TANC2: variants seen among roughly 807,000 people sequenced by gnomAD.
The protein encoded by TANC2 is protein TANC2.
A neutral mutation model predicts 210.5 loss-of-function variants in TANC2; 26 were observed. The ratio of observed to expected loss-of-function variants is 0.12; its 90% CI spans 0.09 to 0.17. TANC2 has a LOEUF of 0.17. Among genes scored for constraint, TANC2 ranks in the 10% least tolerant of loss-of-function variants. TANC2 has a pLI of 1.00. For missense variants in TANC2, 2,129 were observed against 2,608.9 expected (o/e 0.82, Z 4.01); for synonymous variants, 931 against 967.1 (o/e 0.96, Z 0.69).
rs561587949 is a variant in TANC2, at chr17:63,241,191, G to A, written c.1033+3114G>A. 2.0e-5 allele frequency among the ~76,000 whole-genome samples: 3 copies of A among 152,326 alleles called. No individual in the cohort carries two copies. In the South Asian group the frequency reaches 6.2e-4, roughly 32 times the overall value. ...TTTACAGAAAGTAAGCTCTATATGA[G>A]ATGGTAGTATGAGCCAGTTACAAAA... On this transcript the variant is annotated intron_variant, in intron 8 of 27. Coordinates refer to ENST00000689528, the Ensembl canonical transcript of TANC2.
intron 4 of TANC2, 36 bp from the exon 5 acceptor site, chr17:63,151,234 G>A (rs1337526889): frequency 2.2e-6 from 2 of 910,568 alleles, no homozygotes; most frequent in Admixed American, 1.3e-4. Flanking sequence ...TGCTCTCTCT[G>A]TCTCTTGCTT....
At chr17:63,426,695 C>T (rs1355234719) in exon 28 of TANC2, 2 of 152,250 alleles carry the variant, frequency 1.3e-5, no homozygotes, top group Admixed American at 1.3e-4. Context: ...GACTCTGATA[C>T]CGACGCTGAG....
chr17:63,420,140 G>A lies in TANC2; in HGVS notation c.4410G>A (p.Gln1470=). 6.4e-7 allele frequency: 1 copy of A among 1,557,430 alleles called. No homozygotes were observed. The highest frequency in any genetic ancestry group is 1.4e-5 in the African/African-American group (1 of 73,408). The stretch of plus-strand genomic sequence containing the variant: ...CACAGCAGCCACCGCCGCCACCGCA[G>A]CCTCAGCAGCAGTTGCCGGAAGAAG... The change falls in exon 28 of 28, where the codon CAG becomes CAA. Residue 1470 remains glutamine, a synonymous_variant. Coordinates refer to ENST00000689528, the Ensembl canonical transcript of TANC2. The surrounding 1 kb of genome is among the most constrained non-coding windows in gnomAD (Gnocchi z 4.2).
chr17:63,200,530 C>G (rs1057401656), intron 6 of TANC2, among the ~76,000 whole-genome samples: 7 of 151,952 alleles, frequency 4.6e-5, no homozygotes, highest in Non-Finnish European at 8.8e-5. Context: ...GGGTACTTGT[C>G]ACTGGAAATT....
chr17:63,361,469 C>G (rs140028471), intron 14 of TANC2, among the ~76,000 whole-genome samples: 13 of 152,358 alleles, frequency 8.5e-5, no homozygotes, highest in Admixed American at 1.3e-4. Flanking sequence ...GGCACCAGCA[C>G]AGGTGCCAGC....
intron 8 of TANC2, among the ~76,000 whole-genome samples, chr17:63,248,280 A>G (rs1309308323): frequency 6.6e-6 from 1 of 152,094 alleles, no homozygotes; most frequent in Non-Finnish European, 1.5e-5. Context: ...GAACAGGAAT[A>G]ATTGAGGATT....
At chr17:63,161,414 C>T (rs1434044383) in intron 5 of TANC2, among the ~76,000 whole-genome samples, 1 of 152,072 alleles carries the variant, frequency 6.6e-6, no homozygotes, top group Admixed American at 6.6e-5. Flanking sequence ...TTGTGTTTTT[C>T]CATTTGTTGC....
chr17:63,420,812 C>T lies in TANC2; in HGVS notation c.5082C>T (p.Ala1694=), dbSNP rs977873564. The change falls in exon 28 of 28, where the codon GCC becomes GCT. Residue 1694 remains alanine (A), a synonymous_variant. Transcript: ENST00000689528. The surrounding 1 kb of genome is among the most constrained non-coding windows in gnomAD (Gnocchi z 4.2). ...GGCTCAGGCTACAGCCTGCCAAGGCCCAGATTGTGAGAAGTAACCAGCCCA... is the reference window on the plus strand; with the variant it reads ...GGCTCAGGCTACAGCCTGCCAAGGCTCAGATTGTGAGAAGTAACCAGCCCA... 1 of 1,613,962 alleles carries T rather than the reference C, an allele frequency of 6.2e-7. No individual in the cohort carries two copies. The highest frequency in any genetic ancestry group is 8.5e-7 in the Non-Finnish European group (1 of 1,179,876).
At chr17:63,014,728 A>G (rs916372057) in intron 2 of TANC2, among the ~76,000 whole-genome samples, 7 of 152,190 alleles carry the variant, frequency 4.6e-5, no homozygotes, top group African/African-American at 1.7e-4. Flanking sequence ...TTAAATCCAT[A>G]CATGTTAAGG....
chr17:63,043,209 A>C (rs1407015183), intron 2 of TANC2, among the ~76,000 whole-genome samples: 1 of 152,056 alleles, frequency 6.6e-6, no homozygotes. Flanking sequence ...TCACATTGTA[A>C]AGTCTATGTA....
rs1328248014 is a variant in TANC2 at position 63,098,478 on chromosome 17, ACATACACT to A, written c.140-695_140-688del. 1.7e-3 allele frequency among the ~76,000 whole-genome samples: 53 copies of A among 30,886 alleles called. 1 individual carries two copies. Among genetic ancestry groups the A allele is most frequent in the Middle Eastern group, 0.014 (1 of 72 alleles). 20.3% of individuals were successfully genotyped at this position (30,886 alleles called of 152,430 possible). ...CACACACACACACACACACACACAC[ACATACACT>A]CTCTCTCTCTCTCTCTCTCTCTCTG... On this transcript the variant is annotated intron_variant, in intron 3 of 27. Transcript: ENST00000689528.
chr17:63,046,856 A>G (rs894283245), intron 2 of TANC2, among the ~76,000 whole-genome samples: 1 of 152,192 alleles, frequency 6.6e-6, no homozygotes, highest in Non-Finnish European at 1.5e-5. Context: ...ATAATATATG[A>G]TTATTTGACT....
chr17:63,062,959 C>T (rs549963708), intron 2 of TANC2, among the ~76,000 whole-genome samples: 104 of 152,260 alleles, frequency 6.8e-4, no homozygotes, highest in Non-Finnish European at 1.1e-3. Context: ...GTTAAGGGCT[C>T]AGTCCCACAA....
chr17:63,427,166 T>A (rs920583302), exon 28 of TANC2: 1 of 152,294 alleles, frequency 6.6e-6, no homozygotes, highest in Non-Finnish European at 1.5e-5. Flanking sequence ...CGTGGCCTCC[T>A]TTCCATCTAG....
intron 8 of TANC2, among the ~76,000 whole-genome samples, chr17:63,261,575 G>A (rs1048544702): frequency 1.3e-4 from 20 of 152,004 alleles, no homozygotes. Flanking sequence ...GGTTAGTCCC[G>A]CCTCCCTTGG....
At position 63,203,106 on chromosome 17, in the gene TANC2, A is replaced by G. The variant is rs75897097; in HGVS notation, c.769+2149A>G. The stretch of plus-strand genomic sequence containing the variant: ...GCATATGATTATTTAACTTCATGAA[A>G]TACTCCCAGATTATTATCCAGAATA... On this transcript the variant is annotated intron_variant, in intron 7 of 27. Coordinates refer to ENST00000689528, the Ensembl canonical transcript of TANC2. Among the ~76,000 whole-genome samples the G allele has an allele frequency of 8.5e-3, 1,296 of 152,242 alleles. 16 individuals are homozygous for G. Among genetic ancestry groups the G allele is most frequent in the African/African-American group, 0.029 (1,187 of 41,554 alleles).
At chr17:63,417,846 C>T (rs915424478) in intron 26 of TANC2, among the ~76,000 whole-genome samples, 4 of 152,270 alleles carry the variant, frequency 2.6e-5, no homozygotes, top group South Asian at 2.1e-4. Flanking sequence ...GTCATCCTCC[C>T]GGACTTTACA....
At chr17:63,381,803 G>C (rs181425033) in intron 15 of TANC2, among the ~76,000 whole-genome samples, 1 of 152,272 alleles carries the variant, frequency 6.6e-6, no homozygotes, top group Admixed American at 6.5e-5. Context: ...TCTTGAGCAA[G>C]CTTATCACTG....
At chr17:63,427,448 A>G (rs2049171334) in exon 28 of TANC2, 1 of 152,274 alleles carries the variant, frequency 6.6e-6, no homozygotes. Flanking sequence ...TGAACACCAC[A>G]CAGTTGTGAA....
Sources: allele counts gnomAD v4.1 joint callset (sites outside exome capture counted in the v4.1 genomes callset), GRCh38; gene constraint gnomAD v4.1.1; non-coding constraint Gnocchi (gnomAD v3.1); transcripts MANE v1.5; gene names NCBI Gene and HGNC (gene_info 2026-07-23, HGNC 2026-07-21).